CDH23: variants seen among roughly 807,000 people sequenced by gnomAD.
The protein encoded by CDH23 is cadherin related 23, also known as cadherin-23.
Under a neutral mutation model 317.1 loss-of-function variants are expected in CDH23, and 189 were observed. The ratio of observed to expected loss-of-function variants is 0.60; its 90% CI spans 0.53 to 0.67. The LOEUF (loss-of-function observed/expected upper bound fraction) is 0.67. Ranked by LOEUF, CDH23 falls within the 30% of genes least tolerant of loss-of-function variation. The pLI, the probability that CDH23 is intolerant of heterozygous loss-of-function variation, is 0.00. For missense variants in CDH23, 4,401 were observed against 4,592.4 expected (o/e 0.96, Z 1.20); for synonymous variants, 1,839 against 1,876.8 (o/e 0.98, Z 0.52).
At chr10:71,466,926 C>A (rs911713224) in intron 3 of CDH23, among the ~76,000 whole-genome samples, 5 of 152,138 alleles carry the variant, frequency 3.3e-5, no homozygotes, top group African/African-American at 9.6e-5. Flanking sequence ...TTGCAGACTG[C>A]CTTGGAGACT....
intron 34 of CDH23, among the ~76,000 whole-genome samples, chr10:71,736,771 G>A (rs748870991): frequency 3.3e-5 from 5 of 152,202 alleles, no homozygotes; most frequent in Non-Finnish European, 7.3e-5. Flanking sequence ...ACCAAAATTA[G>A]ACATATCCCT....
At chr10:71,732,756 T>TCGGCGACCACCGAGA in intron 32 of CDH23, 1 of 1,090,836 alleles carries the variant, frequency 9.2e-7, no homozygotes, top group Non-Finnish European at 1.1e-6. Flanking sequence ...TCCTTCTGTT[T>TCGGCGACCACCGAGA]TCACACCCAT....
chr10:71,605,116 C>T (rs893046928), intron 9 of CDH23, among the ~76,000 whole-genome samples: 2 of 152,118 alleles, frequency 1.3e-5, no homozygotes, highest in South Asian at 2.1e-4. Context: ...ATATGAATAA[C>T]GTAAAATTTA....
chr10:71,768,121 C>T (rs991623319), intron 38 of CDH23, among the ~76,000 whole-genome samples: 3 of 152,220 alleles, frequency 2.0e-5, no homozygotes, highest in African/African-American at 4.8e-5. Context: ...CTACTCTGTG[C>T]CAGGCATCAT....
Position 71,732,103 on chromosome 10 carries a change from A to G in CDH23, c.3832A>G (p.Ser1278Gly), listed in dbSNP as rs1839409953. 1 of 1,613,906 alleles carries G rather than the reference A, an allele frequency of 6.2e-7. No homozygotes were observed. Among genetic ancestry groups the G allele is most frequent in the Non-Finnish European group, 8.5e-7 (1 of 1,179,896 alleles). ...VNYLDYETKT[S>G]YMMNVSATDQ... ...TTACCTGGACTACGAGACCAAGACC[A>G]GCTACATGATGAATGTGTCGGCCAC... Residue 1278 changes from serine to glycine, a missense_variant, in exon 32 of 70, where the codon AGC (serine) becomes GGC (glycine). Transcript: ENST00000224721.
chr10:71,687,882 C>T (rs945316152), intron 19 of CDH23, among the ~76,000 whole-genome samples, 163 bp downstream of exon 19: 2 of 152,166 alleles, frequency 1.3e-5, no homozygotes, highest in African/African-American at 2.4e-5. Context: ...CCTTTGGAAA[C>T]ATCTAGTTAC....
intron 6 of CDH23, among the ~76,000 whole-genome samples, chr10:71,544,579 C>T (rs369138749): frequency 3.9e-5 from 6 of 152,174 alleles, no homozygotes; most frequent in South Asian, 2.1e-4. Flanking sequence ...GAGGGTTAAC[C>T]GGTTAGTGAC....
At chr10:71,721,263 T>A (rs1434899998) in intron 28 of CDH23, among the ~76,000 whole-genome samples, 1 of 152,096 alleles carries the variant, frequency 6.6e-6, no homozygotes, top group Non-Finnish European at 1.5e-5. Flanking sequence ...ACCTGCCAGC[T>A]CCTAAGGTTT....
intron 2 of CDH23, among the ~76,000 whole-genome samples, 186 bp downstream of exon 2, chr10:71,440,084 G>A (rs1849804471): frequency 6.6e-6 from 1 of 152,202 alleles, no homozygotes; most frequent in Non-Finnish European, 1.5e-5. Context: ...TCACAGGGCT[G>A]AAAATACCAG....
rs1841919301 is a variant in CDH23, at chr10:71,811,400, T to G, written c.9163T>G (p.Ser3055Ala). Residue 3055 changes from serine to alanine, a missense_variant, in exon 63 of 70, where the codon TCT becomes GCT. By Grantham distance (99) the Ser-to-Ala change is moderately conservative (BLOSUM62 1). This residue lies in a region of CDH23 where 1,144 missense variants were observed against 1,138.2 expected (regional missense o/e 1.01). Coordinates refer to ENST00000224721, the MANE Select transcript of CDH23 (RefSeq NM_022124.6). Reference sequence around the variant, plus strand: ...CGTCCTGGACGTGCAGCCTGCCATCTCTGTCCGGCTGCCGGATGACATGTC... The same window carrying G: ...CGTCCTGGACGTGCAGCCTGCCATCGCTGTCCGGCTGCCGGATGACATGTC... ...YNVLDVQPAI[S>A]VRLPDDMSAL... 3 of 1,613,970 alleles carry G rather than the reference T, an allele frequency of 1.9e-6. No individual in the cohort carries two copies. The highest frequency in any genetic ancestry group is 2.5e-6 in the Non-Finnish European group (3 of 1,179,884).
chr10:71,585,228 C>T (rs1301884312), intron 9 of CDH23, among the ~76,000 whole-genome samples: 1 of 152,112 alleles, frequency 6.6e-6, no homozygotes, highest in Non-Finnish European at 1.5e-5. Flanking sequence ...AAACTACTAA[C>T]GTCTGAGTCT....
intron 6 of CDH23, among the ~76,000 whole-genome samples, chr10:71,564,760 CTGTTGT>C (rs747601796): frequency 6.6e-6 from 1 of 152,286 alleles, no homozygotes; most frequent in African/African-American, 2.4e-5. Flanking sequence ...ACCCTGTTTC[CTGTTGT>C]TGTTGTTGTT....
chr10:71,737,404 C>G (rs939185715), intron 34 of CDH23, among the ~76,000 whole-genome samples: 1 of 152,228 alleles, frequency 6.6e-6, no homozygotes, highest in Non-Finnish European at 1.5e-5. Context: ...GTTGGGTTGG[C>G]CTAGCTGCGA....
rs61851983 is a variant in CDH23 at position 71,646,112 on chromosome 10, A to G, written c.1290+132A>G. On this transcript the variant is annotated intron_variant, in intron 13 of 69. Transcript: ENST00000224721. Reference sequence around the variant, plus strand: ...ATCTTCCCTTGTGGATCTGACTCAGATAAGCCCTCCAAGAGACGGCAGGGG... The same window carrying G: ...ATCTTCCCTTGTGGATCTGACTCAGGTAAGCCCTCCAAGAGACGGCAGGGG... 0.11 allele frequency: 139,706 copies of G among 1,230,292 alleles called. 9,105 individuals carry two copies. Among genetic ancestry groups the G allele is most frequent in the Middle Eastern group, 0.13 (469 of 3,584 alleles). The allele number at this position is 1,230,292 out of a possible 1,614,324, so 76.2% of individuals were successfully genotyped here.
intron 17 of CDH23, among the ~76,000 whole-genome samples, chr10:71,680,810 C>CTTTTTTT (rs562449159): frequency 3.3e-4 from 33 of 100,522 alleles, no homozygotes; most frequent in South Asian, 3.9e-4. Flanking sequence ...CTCTGTCTTT[C>CTTTTTTT]TTTTTTTTTT....
intron 9 of CDH23, among the ~76,000 whole-genome samples, chr10:71,579,522 G>A (rs562939081): frequency 2.0e-5 from 3 of 152,226 alleles, no homozygotes; most frequent in East Asian, 3.9e-4. Context: ...AGAATCTCCC[G>A]GGGCTCCTAC....
chr10:71,441,185 A>T (rs143280928), intron 2 of CDH23, among the ~76,000 whole-genome samples: 1 of 152,258 alleles, frequency 6.6e-6, no homozygotes, highest in Non-Finnish European at 1.5e-5. Flanking sequence ...CCAAGGCTGT[A>T]CAAAGCAGGG....
intron 1 of CDH23, among the ~76,000 whole-genome samples, chr10:71,438,500 G>A (rs1298771141): frequency 6.6e-6 from 1 of 152,116 alleles, no homozygotes; most frequent in Non-Finnish European, 1.5e-5. Context: ...ATGTCGTGTT[G>A]GTCAGGAACA....
At chr10:71,799,373 C>G in intron 51 of CDH23, 93 bp downstream of exon 51, 1 of 1,603,926 alleles carries the variant, frequency 6.2e-7, no homozygotes. Context: ...AGCCTCTAAG[C>G]CCCCTGGGAG....
Sources: allele counts gnomAD v4.1 joint callset (sites outside exome capture counted in the v4.1 genomes callset), GRCh38; gene constraint gnomAD v4.1.1; regional missense constraint gnomAD v4.1.1; transcripts MANE v1.5; gene names NCBI Gene and HGNC (gene_info 2026-07-23, HGNC 2026-07-21).